STS: variants seen among roughly 807,000 people sequenced by gnomAD.
The protein encoded by STS is steryl-sulfatase.
Under a neutral mutation model 26.8 loss-of-function variants are expected in STS, and 7 were observed. That is an observed-to-expected ratio of 0.26 (90% confidence interval 0.15 to 0.49). The LOEUF (loss-of-function observed/expected upper bound fraction) is 0.49. STS is among the 20% of genes least tolerant of loss of function. The pLI is 0.98. For missense variants in STS, 434 were observed against 465.6 expected (o/e 0.93, Z 0.63); for synonymous variants, 199 against 189.4 (o/e 1.05, Z -0.42).
intron 1 of STS, among the ~76,000 whole-genome samples, chrX:7,183,635 G>A (rs1308888577): frequency 8.9e-6 from 1 of 112,288 alleles, no homozygotes; most frequent in Non-Finnish European, 1.9e-5. Flanking sequence ...TAGAGCATAG[G>A]AATGAGAATA....
At chrX:7,310,756 C>G (rs1047498016) in intron 8 of STS, among the ~76,000 whole-genome samples, 1 of 111,423 alleles carries the variant, frequency 9.0e-6, no homozygotes, top group Admixed American at 9.6e-5. Context: ...CACACTTGCC[C>G]TATCTGATGT....
intron 1 of STS, among the ~76,000 whole-genome samples, chrX:7,188,571 C>G (rs1252502088): frequency 9.0e-6 from 1 of 111,697 alleles, no homozygotes; most frequent in African/African-American, 3.3e-5. Context: ...TGTGCTGTTT[C>G]ATTCTGTAAG....
At position 7,349,316 on chromosome X, in the gene STS, C is replaced by CTTTTTTTTT. The variant is rs1178578773; in HGVS notation, c.1364-543_1364-535dup. 7.6e-5 allele frequency among the ~76,000 whole-genome samples: 4 copies of CTTTTTTTTT among 52,885 alleles called. 1 individual carries two copies. The highest frequency in any genetic ancestry group is 6.8e-5 in the Non-Finnish European group (2 of 29,296). 45.9% of individuals were successfully genotyped at this position (52,885 alleles called of 115,157 possible). ...GCTGCACTCGGCCCTCATTTAATTCCTTTTTTTTTTTTTTTTTTTTTTTTT... is the reference window on the plus strand; with the variant it reads ...GCTGCACTCGGCCCTCATTTAATTCCTTTTTTTTTTTTTTTTTTTTTTTTTTTTTTTTTT... On this transcript the variant is annotated intron_variant, in intron 10 of 10. Coordinates refer to ENST00000674429, the MANE Select transcript of STS (RefSeq NM_001320752.2).
chrX:7,250,273 G>T (rs1334480092), intron 2 of STS, among the ~76,000 whole-genome samples: 2 of 109,859 alleles, frequency 1.8e-5, no homozygotes, highest in African/African-American at 6.6e-5. Flanking sequence ...AAGAGAATTG[G>T]GATACATGAT....
At chrX:7,269,106 G>T (rs1413647097) in intron 6 of STS, among the ~76,000 whole-genome samples, 1 of 102,084 alleles carries the variant, frequency 9.8e-6, no homozygotes, top group Non-Finnish European at 2.0e-5. Flanking sequence ...AGCTATGATT[G>T]CACCACTGCA....
intron 9 of STS, among the ~76,000 whole-genome samples, chrX:7,329,270 G>A (rs1927637028): frequency 8.9e-6 from 1 of 112,047 alleles, no homozygotes. Flanking sequence ...ATCAATGCCT[G>A]GAGACATTTT....
chrX:7,309,585 C>T (rs1468217032), intron 8 of STS, among the ~76,000 whole-genome samples: 1 of 64,320 alleles, frequency 1.6e-5, no homozygotes, highest in African/African-American at 7.3e-5. Context: ...ATAAAATATA[C>T]CAGACTTCTT....
rs764853273 is a variant in STS at position 7,276,086 on chromosome X, G to A, written c.942G>A (p.Val314=). 2.5e-6 allele frequency: 3 copies of A among 1,209,229 alleles called. No homozygotes were observed. The highest frequency in any genetic ancestry group is 3.0e-5 in the East Asian group (1 of 33,693). Residue 314 remains valine (V), a splice_region_variant and synonymous_variant, in exon 7 of 11, where the codon GTG becomes GTA. Transcript: ENST00000674429. ...CTGTTGAGGAAATGGACTGGAGTGT[G>A]GGTACGTTTCTCCTCAGTGAGTGCT... The part of the protein sequence containing the change: ...GDAVEEMDWS[V]GQILNLLDEL...
intron 5 of STS, among the ~76,000 whole-genome samples, chrX:7,258,105 C>CATAGATAGATAGATAG (rs72344557): frequency 1.3e-4 from 12 of 92,690 alleles, no homozygotes; most frequent in East Asian, 7.2e-4. Flanking sequence ...GAAAAACAGA[C>CATAGATAGATAGATAG]ATAGATAGAT....
At chrX:7,211,563 A>G (rs1406252716) in intron 2 of STS, among the ~76,000 whole-genome samples, 2 of 112,001 alleles carry the variant, frequency 1.8e-5, no homozygotes, top group Non-Finnish European at 3.8e-5. Context: ...AATTCTGCCT[A>G]CTACTCCCAC....
At chrX:7,249,319 G>A (rs1219794780) in intron 2 of STS, among the ~76,000 whole-genome samples, 2 of 111,506 alleles carry the variant, frequency 1.8e-5, no homozygotes. Context: ...TAGGGCATCA[G>A]CAGCATATAG....
chrX:7,286,090 C>T (rs1023130345), intron 7 of STS, among the ~76,000 whole-genome samples: 4 of 111,674 alleles, frequency 3.6e-5, no homozygotes, highest in Non-Finnish European at 7.5e-5. Flanking sequence ...ATTGGAAATC[C>T]CCTTTAGGAA....
intron 9 of STS, among the ~76,000 whole-genome samples, chrX:7,328,615 G>C (rs1187054387): frequency 9.7e-6 from 1 of 102,674 alleles, no homozygotes; most frequent in African/African-American, 3.6e-5. Context: ...GTGCAGTGGT[G>C]CAATCTCGGC....
chrX:7,148,162 A>G (rs1932924236), intron 1 of STS, 79 bp downstream of exon 1: 3 of 913,234 alleles, frequency 3.3e-6, no homozygotes, highest in South Asian at 2.4e-5. Flanking sequence ...GTGCGCGCGC[A>G]CCCGCCCGCC....
intron 7 of STS, among the ~76,000 whole-genome samples, chrX:7,302,013 A>G (rs1179167154): frequency 5.3e-5 from 6 of 112,195 alleles, no homozygotes; most frequent in Non-Finnish European, 9.4e-5. Flanking sequence ...TAGACATGGT[A>G]TAAATATTTG....
At position 7,352,347 on chromosome X, in the gene STS, C is replaced by T. The variant is rs1483849198; in HGVS notation, c.*2086C>T. On this transcript the variant is annotated 3_prime_UTR_variant, in exon 11 of 11. Coordinates refer to ENST00000674429, the MANE Select transcript of STS (RefSeq NM_001320752.2). ...TTGTGTCTAGAACCAGTTATTTAAC[C>T]TGTAAAATGTCAATAGCAAATGAAG... The T allele has an allele frequency of 8.9e-6, 1 of 111,951 alleles. No homozygotes were observed. The highest frequency in any genetic ancestry group is 3.7e-4 in the South Asian group (1 of 2,699). The allele number at this position is 111,951 out of a possible 1,213,427, so 9.2% of individuals were successfully genotyped here. A position where few individuals can be genotyped will look rare whatever the true frequency, so the allele number is the denominator to read the frequency against.
At chrX:7,325,573 A>G in intron 9 of STS, 75 bp downstream of exon 9, 2 of 1,142,084 alleles carry the variant, frequency 1.8e-6, no homozygotes, top group South Asian at 3.6e-5. Flanking sequence ...TTGCCTGCAT[A>G]ATGGTGTGGG....
chrX:7,166,930 G>A (rs1366799625), intron 1 of STS, among the ~76,000 whole-genome samples: 1 of 112,184 alleles, frequency 8.9e-6, no homozygotes, highest in Non-Finnish European at 1.9e-5. Flanking sequence ...TTCTGGTTAA[G>A]TTGTATAGTG....
intron 2 of STS, among the ~76,000 whole-genome samples, chrX:7,200,721 C>T (rs1204243389): frequency 1.8e-5 from 2 of 111,498 alleles, no homozygotes; most frequent in Non-Finnish European, 3.8e-5. Context: ...TGTGGATTCA[C>T]ACCAAGAACC....
Sources: allele counts gnomAD v4.1 joint callset (sites outside exome capture counted in the v4.1 genomes callset), GRCh38; gene constraint gnomAD v4.1.1; transcripts MANE v1.5; gene names NCBI Gene and HGNC (gene_info 2026-07-23, HGNC 2026-07-21).